Variants in CNTN4 observed in about 807,000 individuals in gnomAD.
CNTN4 encodes contactin-4.
In CNTN4, 77 loss-of-function variants were observed where a neutral mutation model predicts 122.5. That is an observed-to-expected ratio of 0.63 (90% CI 0.52 to 0.76). The LOEUF is 0.76. CNTN4 is among the 30% of genes least tolerant of loss of function. The probability of loss-of-function intolerance (pLI) is 0.00; values close to 1 mark genes in which losing one functional copy is unlikely to be tolerated. For missense variants in CNTN4, 1,256 were observed against 1,259.1 expected (o/e 1.00, Z 0.04); for synonymous variants, 512 against 447.0 (o/e 1.15, Z -1.83).
intron 22 of CNTN4, 109 bp from the exon 23 acceptor site, chr3:3,043,483 C>T (rs1700346590): frequency 1.2e-6 from 1 of 811,474 alleles, no homozygotes; most frequent in Admixed American, 2.0e-5. Context: ...CATATTAGTG[C>T]AATAGCCCAT....
intron 4 of CNTN4, among the ~76,000 whole-genome samples, chr3:2,588,397 C>G (rs765459000): frequency 1.3e-5 from 2 of 152,092 alleles, no homozygotes; most frequent in Non-Finnish European, 2.9e-5. Flanking sequence ...GACAGAGCCT[C>G]GCACTATTGT....
intron 2 of CNTN4, among the ~76,000 whole-genome samples, chr3:2,149,563 C>T (rs1017848779): frequency 6.6e-6 from 1 of 152,074 alleles, no homozygotes; most frequent in African/African-American, 2.4e-5. Context: ...GGAAATATTG[C>T]TTGACATTCT....
chr3:2,465,633 C>T (rs1033603417), intron 3 of CNTN4, among the ~76,000 whole-genome samples: 6 of 151,962 alleles, frequency 3.9e-5, no homozygotes, highest in African/African-American at 1.5e-4. Context: ...GCCGAGATTG[C>T]GCCACTTCAC....
At chr3:2,672,269 G>A (rs944266998) in intron 4 of CNTN4, among the ~76,000 whole-genome samples, 2 of 152,164 alleles carry the variant, frequency 1.3e-5, no homozygotes, top group African/African-American at 2.4e-5. Context: ...CACCCAGTTC[G>A]AGCTTCCAGG....
rs563381277 is a variant in CNTN4 at position 2,659,249 on chromosome 3, G to A, written c.56-76966G>A. Among the ~76,000 whole-genome samples the A allele has an allele frequency of 4.6e-5, 7 of 152,036 alleles. No homozygotes were observed. The South Asian group carries it at 1.5e-3, about 32-fold the overall frequency. ...AGGCCAAGGCGAGCAGATCACTTGA[G>A]GTCAGAGTTGGAGACCAGCCTGGCC... On this transcript the variant is annotated intron_variant, in intron 4 of 24. Transcript: ENST00000418658.
chr3:2,257,212 G>A (rs1465212947), intron 2 of CNTN4, among the ~76,000 whole-genome samples: 2 of 152,188 alleles, frequency 1.3e-5, no homozygotes. Context: ...TTAATAAATG[G>A]TGTTGGGAAA....
At chr3:2,619,260 G>A (rs1300014122) in intron 4 of CNTN4, among the ~76,000 whole-genome samples, 1 of 152,182 alleles carries the variant, frequency 6.6e-6, no homozygotes. Context: ...TTTTCATCAG[G>A]ATCAAATGTA....
Position 2,756,975 on chromosome 3 carries a change from A to G in CNTN4, c.358+11278A>G, listed in dbSNP as rs1411451012. On this transcript the variant is annotated intron_variant, in intron 6 of 24. Transcript: ENST00000418658. ...AAACAAACAGGCCAACATATGCACA[A>G]TTCTTTTTCATTTCTTTCCTGACCA... is the stretch of plus-strand genomic sequence containing the variant. 3.9e-5 allele frequency among the ~76,000 whole-genome samples: 6 copies of G among 152,178 alleles called. No individual in the cohort carries two copies. The South Asian group carries it at 1.0e-3, about 26-fold the overall frequency.
intron 2 of CNTN4, among the ~76,000 whole-genome samples, chr3:2,122,572 T>C (rs1327837973): frequency 1.3e-5 from 2 of 152,232 alleles, no homozygotes; most frequent in African/African-American, 2.4e-5. Flanking sequence ...AACAATATCT[T>C]TGTAAACATG....
chr3:2,513,798 C>G (rs1314754538), intron 3 of CNTN4, among the ~76,000 whole-genome samples: 8 of 152,082 alleles, frequency 5.3e-5, no homozygotes, highest in Non-Finnish European at 1.2e-4. Flanking sequence ...GTGGATTGAA[C>G]TCTCCAGGGG....
intron 13 of CNTN4, among the ~76,000 whole-genome samples, chr3:2,966,230 A>G (rs1692296275): frequency 1.3e-5 from 2 of 152,290 alleles, no homozygotes; most frequent in South Asian, 4.1e-4. Context: ...TCAATTTTTC[A>G]GTTAACTTTA....
chr3:3,040,356 C>T (rs1418831463), intron 20 of CNTN4, 85 bp downstream of exon 20: 3 of 1,018,448 alleles, frequency 2.9e-6, no homozygotes, highest in East Asian at 2.4e-5. Flanking sequence ...ATCAATTTCG[C>T]ATGGTACATG....
rs1046040666 is a variant in CNTN4, at chr3:2,896,477, A to G, written c.941-4208A>G. Among the ~76,000 whole-genome samples the G allele has an allele frequency of 3.3e-5, 5 of 152,258 alleles. No individual in the cohort carries two copies. The East Asian group carries it at 7.7e-4, about 24-fold the overall frequency. Reference sequence around the variant, plus strand: ...TATCAGTGCTGAACAAACACCAAAGATGGACCTTGCCCTGAAATCCAACAT... The same window carrying G: ...TATCAGTGCTGAACAAACACCAAAGGTGGACCTTGCCCTGAAATCCAACAT... On this transcript the variant is annotated intron_variant, in intron 10 of 24. Coordinates refer to ENST00000418658, the MANE Select transcript of CNTN4 (RefSeq NM_175607.3).
chr3:2,983,268 A>G (rs896543470), intron 13 of CNTN4, among the ~76,000 whole-genome samples: 4 of 143,078 alleles, frequency 2.8e-5, no homozygotes, highest in Non-Finnish European at 6.1e-5. Context: ...ACAAAGCCTA[A>G]TATATAGGAG....
At chr3:3,024,384 T>TAAAAAAAAAAAAAAAAAAAAAAAAA (rs55892513) in intron 14 of CNTN4, among the ~76,000 whole-genome samples, 1 of 90,262 alleles carries the variant, frequency 1.1e-5, no homozygotes, top group Non-Finnish European at 2.2e-5. Flanking sequence ...TTTTCCTCAT[T>TAAAAAAAAAAAAAAAAAAAAAAAAA]AAAAAAAAAA....
At chr3:2,716,023 GGCATGATCATAACTCACT>G (rs2087475585) in intron 4 of CNTN4, among the ~76,000 whole-genome samples, 1 of 152,022 alleles carries the variant, frequency 6.6e-6, no homozygotes, top group African/African-American at 2.4e-5. Flanking sequence ...ATAGTGCAGT[GGCATGATCATAACTCACT>G]GCAGCCTCAA....
At chr3:2,696,716 AAT>A (rs2086054109) in intron 4 of CNTN4, among the ~76,000 whole-genome samples, 1 of 152,206 alleles carries the variant, frequency 6.6e-6, no homozygotes, top group Non-Finnish European at 1.5e-5. Flanking sequence ...CCAGTTTCTT[AAT>A]ATGGAGGTTT....
chr3:3,014,330 A>G (rs1406147358), intron 14 of CNTN4, among the ~76,000 whole-genome samples: 1 of 152,208 alleles, frequency 6.6e-6, no homozygotes, highest in Non-Finnish European at 1.5e-5. Flanking sequence ...TTTAGAGAAC[A>G]GTAAATGTGG....
At chr3:2,145,675 C>T (rs2035209954) in intron 2 of CNTN4, among the ~76,000 whole-genome samples, 1 of 152,146 alleles carries the variant, frequency 6.6e-6, no homozygotes, top group Non-Finnish European at 1.5e-5. Context: ...TGGCTTTTGG[C>T]ATAAATTAAT....
Sources: allele counts gnomAD v4.1 joint callset (sites outside exome capture counted in the v4.1 genomes callset), GRCh38; gene constraint gnomAD v4.1.1; transcripts MANE v1.5; gene names NCBI Gene and HGNC (gene_info 2026-07-23, HGNC 2026-07-21).